P3H2: variants seen among roughly 807,000 people sequenced by gnomAD.
P3H2 encodes the protein prolyl 3-hydroxylase 2, also known as leprecan-like 1.
Under a neutral mutation model 87.0 loss-of-function variants are expected in P3H2, and 80 were observed. The ratio of observed to expected loss-of-function variants is 0.92; its 90% confidence interval spans 0.77 to 1.11. The LOEUF (loss-of-function observed/expected upper bound fraction) is 1.11. P3H2 is among the 50% of genes least tolerant of loss of function. P3H2 has a pLI of 0.00. For synonymous variants in P3H2, 367 were observed against 359.3 expected, an observed-to-expected ratio of 1.02 and a Z score of -0.24; for missense variants, 1,001 against 923.9, an observed-to-expected ratio of 1.08 and a Z score of -1.08.
rs1722665870 is a variant in P3H2, at chr3:189,957,407, TTCTC to T, written c.*501_*504del. 7.7e-6 allele frequency: 3 copies of T among 388,042 alleles called. No homozygotes were observed. The highest frequency in any genetic ancestry group is 1.4e-5 in the Non-Finnish European group (3 of 220,510). The allele number at this position is 388,042 out of a possible 1,614,324, so 24.0% of individuals were successfully genotyped here. A position where few individuals can be genotyped will look rare whatever the true frequency, so the allele number is the denominator to read the frequency against. On this transcript the variant is annotated 3_prime_UTR_variant, in exon 15 of 15. Transcript: ENST00000319332. ...TGTAGTTTCACCACCAAGAAGCTTA[TTCTC>T]TCTAAGCTTTTGAATTTGCAGCAAC... is the stretch of plus-strand genomic sequence containing the variant.
At chr3:190,059,517 G>A (rs575179412) in intron 1 of P3H2, among the ~76,000 whole-genome samples, 10 of 152,212 alleles carry the variant, frequency 6.6e-5, no homozygotes, top group Admixed American at 4.6e-4. Context: ...AAGACTAAGA[G>A]AATGAGAAAG....
Position 189,964,056 on chromosome 3 carries a change from A to G in P3H2, c.1936T>C (p.Ser646Pro). The G allele has an allele frequency of 1.9e-6, 3 of 1,614,148 alleles. No individual in the cohort carries two copies. Among genetic ancestry groups the G allele is most frequent in the Non-Finnish European group, 2.5e-6 (3 of 1,179,986 alleles). Residue 646 changes from serine to proline, a missense_variant, in exon 14 of 15, where the codon TCT (serine) becomes CCT (proline). By Grantham distance (74) the Ser-to-Pro change is moderately conservative (BLOSUM62 -1). Transcript: ENST00000319332. ...PKCGRMISFS[S>P]GGENPHGVKA... ...ACCCCATGAGGGTTCTCTCCTCCAG[A>G]TGAGAAGCTGATCATGCGCCCACAT...
intron 7 of P3H2, among the ~76,000 whole-genome samples, chr3:189,983,930 T>C (rs1469981458): frequency 1.3e-5 from 2 of 152,006 alleles, no homozygotes; most frequent in African/African-American, 4.8e-5. Flanking sequence ...ATGAGCTTTC[T>C]TGGGGGAAGG....
chr3:190,080,293 T>C (rs1727000160), intron 1 of P3H2, among the ~76,000 whole-genome samples: 1 of 152,158 alleles, frequency 6.6e-6, no homozygotes, highest in African/African-American at 2.4e-5. Flanking sequence ...AGCCAGGCTT[T>C]AGTGTATGAA....
chr3:189,969,835 G>A (rs1394364636), intron 13 of P3H2: 4 of 1,556,872 alleles, frequency 2.6e-6, no homozygotes, highest in Middle Eastern at 3.4e-4. Flanking sequence ...CAATCTTCAT[G>A]GCAGTGGTGG....
intron 1 of P3H2, among the ~76,000 whole-genome samples, chr3:190,026,717 G>C (rs565326367): frequency 7.7e-4 from 118 of 152,264 alleles, no homozygotes; most frequent in Non-Finnish European, 1.3e-3. Context: ...CTTTCACTTT[G>C]TTCTGTGCAG....
chr3:189,970,139 G>C (rs1209973590), intron 13 of P3H2, among the ~76,000 whole-genome samples: 1 of 127,780 alleles, frequency 7.8e-6, no homozygotes, highest in African/African-American at 3.0e-5. Context: ...TCAGGTATGA[G>C]TTTATTACAT....
At chr3:189,973,525 T>C (rs1161994725) in intron 10 of P3H2, among the ~76,000 whole-genome samples, 5 of 137,614 alleles carry the variant, frequency 3.6e-5, no homozygotes, top group South Asian at 2.4e-4. Flanking sequence ...TTTTTTTTTT[T>C]TTTTTTTTTT....
chr3:190,054,202 T>A (rs1371535003), intron 1 of P3H2, among the ~76,000 whole-genome samples: 1 of 152,216 alleles, frequency 6.6e-6, no homozygotes, highest in Admixed American at 6.5e-5. Flanking sequence ...AAATGCCTTA[T>A]TTATCATCAT....
intron 1 of P3H2, among the ~76,000 whole-genome samples, chr3:190,045,984 G>A (rs1194170019): frequency 6.6e-6 from 1 of 152,106 alleles, no homozygotes; most frequent in Admixed American, 6.5e-5. Context: ...TTAGCCAGCC[G>A]TGGTGGCGGG....
intron 14 of P3H2, among the ~76,000 whole-genome samples, chr3:189,961,142 T>C (rs1722799372): frequency 6.6e-6 from 1 of 152,164 alleles, no homozygotes; most frequent in African/African-American, 2.4e-5. Context: ...GGTTTCGCCA[T>C]GTTGGCCAGG....
At chr3:190,044,181 C>G (rs1577292742) in intron 1 of P3H2, among the ~76,000 whole-genome samples, 1 of 152,282 alleles carries the variant, frequency 6.6e-6, no homozygotes, top group East Asian at 1.9e-4. Flanking sequence ...GTGTCCAACT[C>G]CATTCCCAGG....
At chr3:190,063,182 A>C (rs566822254) in intron 1 of P3H2, among the ~76,000 whole-genome samples, 109 of 152,274 alleles carry the variant, frequency 7.2e-4, no homozygotes, top group African/African-American at 2.4e-3. Context: ...CATGGGGTGT[A>C]CACAACTACT....
chr3:190,106,326 G>A (rs1048895707), intron 1 of P3H2, among the ~76,000 whole-genome samples: 9 of 152,150 alleles, frequency 5.9e-5, no homozygotes, highest in Admixed American at 2.6e-4. Context: ...TGGAGAGGCA[G>A]GTAAGTCTGT....
rs1722683462 is a variant in P3H2 at position 189,957,771 on chromosome 3, CA to C, written c.*140del. ...GATAGATTGATAGATTGAGGCAACA[CA>C]AGCATCCTTAGGAAGAGAAGGAAGA... On this transcript the variant is annotated 3_prime_UTR_variant, in exon 15 of 15. Transcript: ENST00000319332. The C allele has an allele frequency of 7.5e-6, 5 of 670,148 alleles. No homozygotes were observed. Among genetic ancestry groups the C allele is most frequent in the Non-Finnish European group, 1.3e-5 (5 of 379,712 alleles). The allele number at this position is 670,148 out of a possible 1,614,324, so 41.5% of individuals were successfully genotyped here.
chr3:190,065,340 T>C (rs987939257), intron 1 of P3H2, among the ~76,000 whole-genome samples: 12 of 152,152 alleles, frequency 7.9e-5, no homozygotes, highest in African/African-American at 2.9e-4. Flanking sequence ...TCCCTTTCCT[T>C]GTCTATCAAC....
At chr3:189,965,644 T>C (rs891923558) in intron 13 of P3H2, among the ~76,000 whole-genome samples, 2 of 152,120 alleles carry the variant, frequency 1.3e-5, no homozygotes, top group African/African-American at 4.8e-5. Context: ...CATTTCCACA[T>C]AGAAGCAGCA....
rs1183932101 is a variant in P3H2, at chr3:190,087,422, T to C, written c.480+32830A>G. ...AGCTGGGTGTGGTGGCGGGCGCCTG[T>C]AGTCCCAGCTACTCCGAAGGCTGAG... On this transcript the variant is annotated intron_variant, in intron 1 of 14. Transcript: ENST00000319332. Among the ~76,000 whole-genome samples the C allele has an allele frequency of 5.3e-5, 8 of 151,328 alleles. No individual in the cohort carries two copies. The East Asian group carries it at 1.4e-3, about 26-fold the overall frequency.
intron 1 of P3H2, among the ~76,000 whole-genome samples, chr3:190,011,296 T>A (rs1724581016): frequency 6.6e-6 from 1 of 151,914 alleles, no homozygotes; most frequent in South Asian, 2.1e-4. Flanking sequence ...AAATAGAGTT[T>A]CATGCAAAAA....
Sources: allele counts gnomAD v4.1 joint callset (sites outside exome capture counted in the v4.1 genomes callset), GRCh38; gene constraint gnomAD v4.1.1; transcripts MANE v1.5; gene names NCBI Gene and HGNC (gene_info 2026-07-23, HGNC 2026-07-21).